Variants in KRT75 observed in about 807,000 individuals in gnomAD.
KRT75 encodes the protein keratin, type II cytoskeletal 75.
In KRT75, 35 loss-of-function variants were observed where a neutral mutation model predicts 48.8. The ratio of observed to expected loss-of-function variants is 0.72; its 90% confidence interval spans 0.55 to 0.95. The LOEUF (loss-of-function observed/expected upper bound fraction) is 0.95. KRT75 is among the 40% of genes least tolerant of loss of function. The pLI, the probability that KRT75 is intolerant of heterozygous loss-of-function variation, is 0.00. For synonymous variants in KRT75, 301 were observed against 282.3 expected, an observed-to-expected ratio of 1.07 and a Z score of -0.66; for missense variants, 776 against 709.9, an observed-to-expected ratio of 1.09 and a Z score of -1.06.
At position 52,431,634 on chromosome 12, in the gene KRT75, AC is replaced by A. The variant is rs1418987943; in HGVS notation, c.778del (p.Val260Ter). On this transcript the variant is annotated frameshift_variant, in exon 4 of 9. Transcript: ENST00000252245. LOFTEE classifies it high-confidence loss of function. ...ENEFVALKKDVDAAYMNKVEL... is the reference protein window; with the variant it reads ...ENEFVALKKDXDAAYMNKVEL... ...CACCTTGTTCATATAGGCAGCATCT[AC>A]GTCCTGGAATGACAGCGCAGGATGC... 2 of 1,612,204 alleles carry A rather than the reference AC, an allele frequency of 1.2e-6. No individual in the cohort carries two copies. The highest frequency in any genetic ancestry group is 1.7e-6 in the Non-Finnish European group (2 of 1,178,186).
chr12:52,430,478 T>C, intron 5 of KRT75, 63 bp downstream of exon 5: 1 of 1,521,256 alleles, frequency 6.6e-7, no homozygotes, highest in East Asian at 2.3e-5. Flanking sequence ...CTGAGTTAAG[T>C]GATAATGTGG....
chr12:52,425,296 A>G (rs1192645161), intron 8 of KRT75, among the ~76,000 whole-genome samples: 1 of 152,204 alleles, frequency 6.6e-6, no homozygotes, highest in African/African-American at 2.4e-5. Context: ...CCCCTTACAC[A>G]TTCTAGCACC....
rs760434122 is a variant in KRT75 at position 52,428,228 on chromosome 12, G to A, written c.1382+28C>T. On this transcript the variant is annotated intron_variant, in intron 7 of 8. Coordinates refer to ENST00000252245, the MANE Select transcript of KRT75 (RefSeq NM_004693.3). ...AGCTGAGGTGAGCTCAACTTGCTTT[G>A]AGGATGAAGTTGGTGCATCTGCCTC... is the stretch of plus-strand genomic sequence containing the variant. 1.9e-6 allele frequency: 3 copies of A among 1,612,696 alleles called. No homozygotes were observed. In the South Asian group the frequency reaches 3.3e-5, roughly 18 times the overall value.
At chr12:52,427,725 G>A (rs1300207275) in intron 7 of KRT75, among the ~76,000 whole-genome samples, 1 of 152,150 alleles carries the variant, frequency 6.6e-6, no homozygotes, top group African/African-American at 2.4e-5. Flanking sequence ...CATTTTATTG[G>A]ATGAGAACAC....
chr12:52,428,523 G>C (rs1282808706), intron 6 of KRT75, 47 bp from the exon 7 acceptor site: 1 of 1,612,592 alleles, frequency 6.2e-7, no homozygotes, highest in Admixed American at 1.7e-5. Flanking sequence ...AGCCCATGGA[G>C]GTGTGGTGCT....
In KRT75 at chr12:52,433,978, A is replaced by T; in HGVS notation, c.327T>A (p.Ser109Arg). The change falls in exon 1 of 9, where the codon AGT (serine) becomes AGA (arginine). Residue 109 changes from serine (S) to arginine (R), a missense_variant. By Grantham distance (110) the Ser-to-Arg change is moderately radical. Transcript: ENST00000252245. ...GGGGACACACGGGGAAGCTGGGGCCACTGAAGCCTCCTCCAACTCCACCCC... is the reference window on the plus strand; with the variant it reads ...GGGGACACACGGGGAAGCTGGGGCCTCTGAAGCCTCCTCCAACTCCACCCC... ...GYGGGVGGGF[S>R]GPSFPVCPPG... 6.2e-7 allele frequency: 1 copy of T among 1,614,138 alleles called. No homozygotes were observed. Among genetic ancestry groups the T allele is most frequent in the Non-Finnish European group, 8.5e-7 (1 of 1,180,006 alleles).
chr12:52,424,821 G>A (rs931021931), intron 8 of KRT75, 66 bp from the exon 9 acceptor site: 7 of 1,323,578 alleles, frequency 5.3e-6, no homozygotes, highest in Admixed American at 3.4e-5. Flanking sequence ...GAGTGTGAGG[G>A]CCTGTGCCCT....
Position 52,424,407 on chromosome 12 carries a change from C to G in KRT75, c.*110G>C. 9.5e-7 allele frequency: 1 copy of G among 1,054,214 alleles called. No homozygotes were observed. Among genetic ancestry groups the G allele is most frequent in the Non-Finnish European group, 1.5e-6 (1 of 671,434 alleles). 65.3% of individuals were successfully genotyped at this position (1,054,214 alleles called of 1,614,324 possible). On this transcript the variant is annotated 3_prime_UTR_variant, in exon 9 of 9. Transcript: ENST00000252245. ...TGGGTATAGCCAGTACTCCAGGCTC[C>G]CAGCAGCACAGGTGCACCTTACAAG...
Position 52,430,642 on chromosome 12 carries a change from GGTT to G in KRT75, c.931_933del (p.Asn311del), listed in dbSNP as rs1940132413. 6.2e-7 allele frequency: 1 copy of G among 1,614,184 alleles called. No homozygotes were observed. The highest frequency in any genetic ancestry group is 8.5e-7 in the Non-Finnish European group (1 of 1,180,034). On this transcript the variant is annotated inframe_deletion, in exon 5 of 9. Transcript: ENST00000252245. ...ATGATACTATCCAGGTCCAGGTTGC[GGTT>G]GTTGTCCATGGACAGCACCACGGAT...
In KRT75 at chr12:52,424,634, AC is replaced by A; in HGVS notation, c.1538del (p.Gly513ValfsTer17). 2 of 1,614,130 alleles carry A rather than the reference AC, an allele frequency of 1.2e-6. No individual in the cohort carries two copies. The highest frequency in any genetic ancestry group is 1.7e-6 in the Non-Finnish European group (2 of 1,179,986). On this transcript the variant is annotated frameshift_variant, in exon 9 of 9. Coordinates refer to ENST00000252245, the MANE Select transcript of KRT75 (RefSeq NM_004693.3). LOFTEE classifies it high-confidence loss of function. ...SFTTSGGHSLGAGLGGSGFSA... is the reference protein window; with the variant it reads ...SFTTSGGHSLXAGLGGSGFSA... ...TGAATCCAGAACCTCCCAGGCCTGC[AC>A]CCAGGCTATGCCCACCACTGGTGGT...
intron 1 of KRT75, 117 bp downstream of exon 1, chr12:52,433,690 G>T: frequency 6.6e-7 from 1 of 1,512,356 alleles, no homozygotes; most frequent in Non-Finnish European, 9.1e-7. Context: ...AGCCCGTGCT[G>T]AACAGTGCTC....
In KRT75 at chr12:52,434,186, G is replaced by A. The variant is rs1379538075; in HGVS notation, c.119C>T (p.Ser40Phe). Residue 40 changes from serine to phenylalanine, a missense_variant, in exon 1 of 9, where the codon TCT becomes TTT. Ser to Phe is a radical substitution (Grantham distance 155). Transcript: ENST00000252245. ...SRFSSVSVAR[S>F]AAGSGGLGRI... ...TCCCAGGCCCCCACTCCCTGCTGCA[G>A]AGCGGGCCACAGAGACAGAGCTGAA... 6.2e-7 allele frequency: 1 copy of A among 1,610,650 alleles called. No homozygotes were observed. Among genetic ancestry groups the A allele is most frequent in the South Asian group, 1.1e-5 (1 of 90,736 alleles).
In KRT75 at chr12:52,431,432, T is replaced by C. The variant is rs911981830; in HGVS notation, c.870+111A>G. 112 of 878,622 alleles carry C rather than the reference T, an allele frequency of 1.3e-4. 1 individual carries two copies. In the East Asian group the frequency reaches 2.2e-3, roughly 17 times the overall value. 54.4% of individuals were successfully genotyped at this position (878,622 alleles called of 1,614,324 possible). ...ACCACCCAAGCCCCAGCTTGAAGTA[T>C]CCAAGCAAGATGCTGGGCAGAGGCA... On this transcript the variant is annotated intron_variant, in intron 4 of 8. Transcript: ENST00000252245.
intron 8 of KRT75, 69 bp downstream of exon 8, chr12:52,426,748 A>G: frequency 6.8e-7 from 1 of 1,480,134 alleles, no homozygotes; most frequent in Non-Finnish European, 9.5e-7. Context: ...ACCCTCTGGC[A>G]AGCCCACCAC....
At chr12:52,425,477 G>A (rs552913676) in intron 8 of KRT75, among the ~76,000 whole-genome samples, 5 of 152,256 alleles carry the variant, frequency 3.3e-5, no homozygotes, top group Non-Finnish European at 5.9e-5. Context: ...GATAAAGTCT[G>A]TAGGGTGGGC....
At chr12:52,433,665 G>A in intron 1 of KRT75, 142 bp downstream of exon 1, 2 of 1,330,914 alleles carry the variant, frequency 1.5e-6, no homozygotes. Flanking sequence ...ACTTGGAAGG[G>A]TCTCAGCCCC....
At chr12:52,424,816 T>G (rs934909385) in intron 8 of KRT75, 61 bp from the exon 9 acceptor site, 1 of 1,343,876 alleles carries the variant, frequency 7.4e-7, no homozygotes, top group African/African-American at 1.4e-5. Context: ...GCTGGGAGTG[T>G]GAGGGCCTGT....
In KRT75 at chr12:52,424,741, T is replaced by C. The variant is rs964010322; in HGVS notation, c.1432A>G (p.Thr478Ala). 11 of 1,611,744 alleles carry C rather than the reference T, an allele frequency of 6.8e-6. No homozygotes were observed. In the African/African-American group the frequency reaches 9.4e-5, roughly 14 times the overall value. The change falls in exon 9 of 9, where the codon ACT becomes GCT. Residue 478 changes from threonine (T) to alanine (A), a missense_variant. Coordinates refer to ENST00000252245, the MANE Select transcript of KRT75 (RefSeq NM_004693.3). ...CCGCTTCCATAGCCACTGGAAAGAG[T>C]AGAGGTGACCACAGCTGCCGGGAAG... ...SPVNISVVTSTLSSGYGSGSS... is the reference protein window; with the variant it reads ...SPVNISVVTSALSSGYGSGSS...
chr12:52,424,464 G>T lies in KRT75; in HGVS notation c.*53C>A. ...GGAAGGAGGAGGACCCTGGTGTCCA[G>T]GTGTGACTGCAAACAGGCCTCAAGG... On this transcript the variant is annotated 3_prime_UTR_variant, in exon 9 of 9. Coordinates refer to ENST00000252245, the MANE Select transcript of KRT75 (RefSeq NM_004693.3). 1 of 1,487,876 alleles carries T rather than the reference G, an allele frequency of 6.7e-7. No homozygotes were observed. The highest frequency in any genetic ancestry group is 1.1e-5 in the South Asian group (1 of 88,594). 92.2% of individuals were successfully genotyped at this position (1,487,876 alleles called of 1,614,324 possible).
Sources: allele counts gnomAD v4.1 joint callset (sites outside exome capture counted in the v4.1 genomes callset), GRCh38; gene constraint gnomAD v4.1.1; transcripts MANE v1.5; gene names NCBI Gene and HGNC (gene_info 2026-07-23, HGNC 2026-07-21).